Variants in PEX5L observed in about 807,000 individuals in gnomAD.
The protein encoded by PEX5L is PEX5-related protein.
PEX5L carries 30 observed loss-of-function variants against 84.0 expected under a neutral mutation model. The observed-to-expected ratio is 0.36, with a 90% CI of 0.27 to 0.48. The LOEUF (loss-of-function observed/expected upper bound fraction) is 0.48. PEX5L is among the 20% of genes least tolerant of loss of function. The pLI is 0.99. For missense variants in PEX5L, 533 were observed against 754.6 expected (o/e 0.71, Z 3.44); for synonymous variants, 270 against 283.1 (o/e 0.95, Z 0.46).
chr3:179,811,349 C>A (rs1453232424), intron 11 of PEX5L, among the ~76,000 whole-genome samples: 3 of 151,932 alleles, frequency 2.0e-5, no homozygotes, highest in Non-Finnish European at 4.4e-5. Context: ...GCAGAGGCTA[C>A]TTTTCCAGGG....
intron 2 of PEX5L, among the ~76,000 whole-genome samples, chr3:179,964,826 T>C (rs552300253): frequency 6.6e-6 from 1 of 152,354 alleles, no homozygotes; most frequent in East Asian, 1.9e-4. Context: ...TACCTGCCAT[T>C]TATAAAGCAC....
chr3:179,799,806 G>A lies in PEX5L; in HGVS notation c.*2022C>T, dbSNP rs558753356. ...GAGTCCTTACCAGACTGGGTTTCTCGAATTCTACAATTCTTACAATACCAT... is the reference window on the plus strand; with the variant it reads ...GAGTCCTTACCAGACTGGGTTTCTCAAATTCTACAATTCTTACAATACCAT... On this transcript the variant is annotated 3_prime_UTR_variant, in exon 15 of 15. Transcript: ENST00000467460. 2.0e-4 allele frequency: 31 copies of A among 152,298 alleles called. No individual in the cohort carries two copies. Among genetic ancestry groups the A allele is most frequent in the African/African-American group, 5.5e-4 (23 of 41,554 alleles). The allele number at this position is 152,298 out of a possible 1,614,324, so 9.4% of individuals were successfully genotyped here. A position where few individuals can be genotyped will look rare whatever the true frequency, so the allele number is the denominator to read the frequency against.
At chr3:180,013,876 A>G (rs776348533) in intron 1 of PEX5L, among the ~76,000 whole-genome samples, 2 of 152,236 alleles carry the variant, frequency 1.3e-5, no homozygotes, top group Non-Finnish European at 2.9e-5. Flanking sequence ...ATTTTCTACA[A>G]GGAACACGTG....
chr3:179,802,623 A>G (rs1719478236), intron 14 of PEX5L, among the ~76,000 whole-genome samples: 1 of 152,028 alleles, frequency 6.6e-6, no homozygotes, highest in Non-Finnish European at 1.5e-5. Context: ...TAGCAAAACC[A>G]TGCAAATTCA....
chr3:179,918,896 GA>G (rs1361799728), intron 2 of PEX5L, among the ~76,000 whole-genome samples: 1 of 152,166 alleles, frequency 6.6e-6, no homozygotes, highest in Non-Finnish European at 1.5e-5. Context: ...GAGAATAAAA[GA>G]AAAGGGTTCT....
At position 179,875,426 on chromosome 3, in the gene PEX5L, C is replaced by T. The variant is rs143237596; in HGVS notation, c.557G>A (p.Arg186Gln). 24 of 1,613,264 alleles carry T rather than the reference C, an allele frequency of 1.5e-5. No individual in the cohort carries two copies. Among genetic ancestry groups the T allele is most frequent in the African/African-American group, 5.3e-5 (4 of 74,848 alleles). The stretch of plus-strand genomic sequence containing the variant: ...TGCCATTGGATGTCCCTTGGTATTT[C>T]GATCTCCATGAAACTTAACATCGTC... ...KWDDVKFHGD[R>Q]NTKGHPMAER... Residue 186 changes from arginine (R) to glutamine (Q), a missense_variant, in exon 6 of 15, where the codon CGA (arginine) becomes CAA (glutamine). Coordinates refer to ENST00000467460, the MANE Select transcript of PEX5L (RefSeq NM_016559.3).
intron 8 of PEX5L, among the ~76,000 whole-genome samples, chr3:179,850,761 T>C (rs1448133771): frequency 1.3e-5 from 2 of 152,206 alleles, no homozygotes; most frequent in Non-Finnish European, 1.5e-5. Context: ...ATTTTCTCCT[T>C]TTTGGATACT....
chr3:179,802,062 T>A, intron 14 of PEX5L, 30 bp from the exon 15 acceptor site: 2 of 1,463,252 alleles, frequency 1.4e-6, no homozygotes, highest in Non-Finnish European at 1.9e-6. Context: ...TATTTTAAAA[T>A]GAGTCACATT....
intron 6 of PEX5L, 124 bp from the exon 7 acceptor site, chr3:179,874,547 T>A (rs1359162699): frequency 1.8e-6 from 1 of 567,692 alleles, no homozygotes; most frequent in Non-Finnish European, 3.1e-6. Context: ...ATCAAAATTC[T>A]GATGATAGAG....
chr3:179,934,583 A>T, intron 2 of PEX5L, among the ~76,000 whole-genome samples: 1 of 152,192 alleles, frequency 6.6e-6, no homozygotes, highest in East Asian at 1.9e-4. Context: ...CTGGAATTTG[A>T]ATTCAGTTAT....
intron 5 of PEX5L, among the ~76,000 whole-genome samples, chr3:179,876,959 C>A (rs142889936): frequency 3.3e-5 from 5 of 152,044 alleles, no homozygotes; most frequent in South Asian, 2.1e-4. Flanking sequence ...AATTTAAACA[C>A]GAAATTCAAT....
intron 8 of PEX5L, among the ~76,000 whole-genome samples, chr3:179,840,308 C>T (rs1736718661): frequency 6.6e-6 from 1 of 150,548 alleles, no homozygotes; most frequent in Non-Finnish European, 1.5e-5. Flanking sequence ...CCCGTCTTAG[C>T]CTCCTGAGTA....
chr3:179,845,656 C>A (rs1739038844), intron 8 of PEX5L, among the ~76,000 whole-genome samples: 2 of 152,130 alleles, frequency 1.3e-5, no homozygotes, highest in South Asian at 4.1e-4. Flanking sequence ...TCAACAGCTC[C>A]AAGGAAAAGT....
intron 2 of PEX5L, among the ~76,000 whole-genome samples, chr3:179,899,560 G>A (rs550934787): frequency 1.3e-5 from 2 of 152,168 alleles, no homozygotes; most frequent in East Asian, 3.9e-4. Context: ...CTTTCAAAGG[G>A]CTTTAAGTAT....
intron 7 of PEX5L, among the ~76,000 whole-genome samples, chr3:179,870,997 T>C (rs1432351763): frequency 6.6e-6 from 1 of 152,194 alleles, no homozygotes; most frequent in African/African-American, 2.4e-5. Flanking sequence ...AGGAATTTTG[T>C]AAATGGGTCT....
intron 7 of PEX5L, among the ~76,000 whole-genome samples, chr3:179,870,911 A>C (rs1750081778): frequency 6.6e-6 from 1 of 152,162 alleles, no homozygotes; most frequent in African/African-American, 2.4e-5. Flanking sequence ...CTCATCTTAT[A>C]AAGAAAATTT....
chr3:179,844,600 G>A lies in PEX5L; in HGVS notation c.822+14462C>T, dbSNP rs542787879. ...TCCCAGCATTTTGGGAGGCCGAGGCGGGCGGATCATGAGGTCAGAAGATCG... is the reference window on the plus strand; with the variant it reads ...TCCCAGCATTTTGGGAGGCCGAGGCAGGCGGATCATGAGGTCAGAAGATCG... On this transcript the variant is annotated intron_variant, in intron 8 of 14. Coordinates refer to ENST00000467460, the MANE Select transcript of PEX5L (RefSeq NM_016559.3). Among the ~76,000 whole-genome samples the A allele has an allele frequency of 4.6e-5, 7 of 152,220 alleles. No homozygotes were observed. The East Asian group carries it at 9.7e-4, about 21-fold the overall frequency.
chr3:179,832,684 C>A (rs1299650069), intron 8 of PEX5L, among the ~76,000 whole-genome samples: 1 of 150,366 alleles, frequency 6.7e-6, no homozygotes, highest in African/African-American at 2.5e-5. Flanking sequence ...ACCTACTTAC[C>A]CACCCACTTA....
rs570969748 is a variant in PEX5L at position 179,812,716 on chromosome 3, A to C, written c.1084-845T>G. ...TACTCATAAGAACAATAACTCTCAC[A>C]CTGTTATAAGAGTAATACACACAAG... On this transcript the variant is annotated intron_variant, in intron 10 of 14. Coordinates refer to ENST00000467460, the MANE Select transcript of PEX5L (RefSeq NM_016559.3). 2.6e-5 allele frequency among the ~76,000 whole-genome samples: 4 copies of C among 152,150 alleles called. No homozygotes were observed. In the East Asian group the frequency reaches 7.8e-4, roughly 30 times the overall value.
Sources: gnomAD v4.1 joint callset for allele counts (sites outside exome capture counted in the v4.1 genomes callset) on GRCh38, gnomAD v4.1.1 for gene constraint, MANE v1.5 for transcripts, NCBI Gene and HGNC (gene_info 2026-07-23, HGNC 2026-07-21) for gene names.